Variants in FAM184A observed in about 807,000 individuals in gnomAD.
The protein encoded by FAM184A is family with sequence similarity 184 member A.
FAM184A carries 99 observed loss-of-function variants against 143.8 expected under a neutral mutation model. That is an observed-to-expected ratio of 0.69 (90% CI 0.58 to 0.81). FAM184A has a LOEUF of 0.81. FAM184A is among the 40% of genes least tolerant of loss of function. FAM184A has a pLI of 0.00. For synonymous variants in FAM184A, 427 were observed against 446.4 expected, an observed-to-expected ratio of 0.96 and a Z score of 0.55; for missense variants, 1,217 against 1,310.5, an observed-to-expected ratio of 0.93 and a Z score of 1.10.
At chr6:119,111,833 C>G (rs917568367) in intron 1 of FAM184A, among the ~76,000 whole-genome samples, 1 of 152,168 alleles carries the variant, frequency 6.6e-6, no homozygotes, top group African/African-American at 2.4e-5. Flanking sequence ...CTATAAAATC[C>G]ATTTCCTGGC....
At chr6:118,979,295 T>C (rs1783946976) in intron 11 of FAM184A, 70 bp downstream of exon 11, 2 of 1,430,350 alleles carry the variant, frequency 1.4e-6, no homozygotes, top group Non-Finnish European at 1.9e-6. Flanking sequence ...CTTGGTGATT[T>C]TATGTTGAAT....
Position 119,006,612 on chromosome 6 carries a change from T to C in FAM184A, c.1654-4A>G. On this transcript the variant is annotated splice_polypyrimidine_tract_variant and splice_region_variant and intron_variant, in intron 6 of 17. Transcript: ENST00000338891. Reference sequence around the variant, plus strand: ...CCATATCTTGGAGGTGGCCAATCTGTAAGTAAATAGAGTACTTTTAATATA... The same window carrying C: ...CCATATCTTGGAGGTGGCCAATCTGCAAGTAAATAGAGTACTTTTAATATA... 4 of 1,607,056 alleles carry C rather than the reference T, an allele frequency of 2.5e-6. No homozygotes were observed. Among genetic ancestry groups the C allele is most frequent in the South Asian group, 1.1e-5 (1 of 89,718 alleles).
chr6:118,991,226 G>A (rs1053968790), intron 9 of FAM184A, among the ~76,000 whole-genome samples: 3 of 151,290 alleles, frequency 2.0e-5, no homozygotes, highest in South Asian at 2.1e-4. Flanking sequence ...GCAATGGCAC[G>A]ATCTCGGCGC....
rs375880791 is a variant in FAM184A, at chr6:119,111,110, A to G, written c.-202+37968T>C. Among the ~76,000 whole-genome samples, 34 of 152,366 alleles carry G rather than the reference A, an allele frequency of 2.2e-4. No individual in the cohort carries two copies. In the East Asian group the frequency reaches 5.0e-3, roughly 22 times the overall value. The stretch of plus-strand genomic sequence containing the variant: ...CAACATTATTTATAAAAGTCAAAGC[A>G]TGGAAGCAACCCAAGTGTCCCTTGA... On this transcript the variant is annotated intron_variant, in intron 1 of 16. Transcript: ENST00000352896.
In FAM184A at chr6:119,129,418, C is replaced by A. The variant is rs115940650; in HGVS notation, c.-202+19660G>T. 3.1e-3 allele frequency among the ~76,000 whole-genome samples: 469 copies of A among 152,306 alleles called. 2 individuals carry two copies. Among genetic ancestry groups the A allele is most frequent in the African/African-American group, 0.011 (449 of 41,562 alleles). The stretch of plus-strand genomic sequence containing the variant: ...GCAGATGTGGTGGGGCTTTCCTGAT[C>A]TTTTAGGGCCCAGATGCATTTCACT... On this transcript the variant is annotated intron_variant, in intron 1 of 16. Coordinates refer to the FAM184A transcript ENST00000352896.
intron 1 of FAM184A, among the ~76,000 whole-genome samples, chr6:119,035,112 G>A (rs1034501915): frequency 6.6e-6 from 1 of 151,962 alleles, no homozygotes; most frequent in African/African-American, 2.4e-5. Context: ...CTGTGAGAGT[G>A]GAAGAAAAAG....
intron 1 of FAM184A, among the ~76,000 whole-genome samples, chr6:119,054,085 GA>G (rs35713549): frequency 0.95 from 144,317 of 151,158 alleles, 69,087 homozygotes; most frequent in East Asian, 1. Context: ...ATCCTTTAGA[GA>G]AAAAAAAAAA....
rs267600782 is a variant in FAM184A at position 118,974,538 on chromosome 6, T to C, written c.2805A>G (p.Lys935=). Reference sequence around the variant, plus strand: ...GGTCTGCTGTCATGACATCCAACTCTTTTTCAAGTCTCTTGTTTAAATCTT... The same window carrying C: ...GGTCTGCTGTCATGACATCCAACTCCTTTTCAAGTCTCTTGTTTAAATCTT... ...HEQDLNKRLE[K]ELDVMTADHL... Residue 935 remains lysine (K), a synonymous_variant, in exon 14 of 18, where the codon AAA becomes AAG. Transcript: ENST00000338891. The C allele has an allele frequency of 1.2e-6, 2 of 1,608,460 alleles. No homozygotes were observed. The highest frequency in any genetic ancestry group is 1.7e-5 in the Admixed American group (1 of 59,272).
chr6:119,000,684 G>A (rs1784728265), intron 9 of FAM184A, among the ~76,000 whole-genome samples: 1 of 152,078 alleles, frequency 6.6e-6, no homozygotes, highest in Non-Finnish European at 1.5e-5. Flanking sequence ...AAAATCTCAT[G>A]TTTTTCACTC....
At chr6:118,971,930 G>T (rs1783709687) in intron 14 of FAM184A, among the ~76,000 whole-genome samples, 2 of 152,178 alleles carry the variant, frequency 1.3e-5, no homozygotes, top group Admixed American at 1.3e-4. Flanking sequence ...GCTGCACCAT[G>T]TCCCTTCAGC....
In FAM184A at chr6:119,084,770, A is replaced by G. The variant is rs546915164; in HGVS notation, c.-201-59957T>C. On this transcript the variant is annotated intron_variant, in intron 1 of 16. Coordinates refer to the FAM184A transcript ENST00000352896. The stretch of plus-strand genomic sequence containing the variant: ...TCTGCTTACACATACAGGTTTTTCC[A>G]TACACCCTCTGAAATCTAGGCAGTG... 2.2e-4 allele frequency among the ~76,000 whole-genome samples: 34 copies of G among 152,342 alleles called. No individual in the cohort carries two copies. The South Asian group carries it at 5.8e-3, about 26-fold the overall frequency.
At chr6:119,022,053 C>CT (rs34128659) in intron 3 of FAM184A, among the ~76,000 whole-genome samples, 3,062 of 84,420 alleles carry the variant, frequency 0.036, 164 homozygotes, top group Admixed American at 0.049. Flanking sequence ...TTCGTTCTTT[C>CT]TTTTTTTTTT....
chr6:119,016,777 A>G lies in FAM184A; in HGVS notation c.1500T>C (p.Asn500=). The change falls in exon 5 of 18, where the codon AAT becomes AAC. Residue 500 remains asparagine, a synonymous_variant. Transcript: ENST00000338891. The part of the protein sequence containing the change: ...HHMAIEAVHS[N]AIRDKKKLQM... Reference sequence around the variant, plus strand: ...GCAGTTTTTTCTTATCCCTAATTGCATTACTGTGGACAGCTTCAATTGCCA... The same window carrying G: ...GCAGTTTTTTCTTATCCCTAATTGCGTTACTGTGGACAGCTTCAATTGCCA... The G allele has an allele frequency of 1.2e-6, 2 of 1,614,148 alleles. No individual in the cohort carries two copies. The highest frequency in any genetic ancestry group is 1.7e-6 in the Non-Finnish European group (2 of 1,180,006).
At chr6:118,985,885 A>G (rs1784176680) in intron 9 of FAM184A, among the ~76,000 whole-genome samples, 1 of 152,252 alleles carries the variant, frequency 6.6e-6, no homozygotes, top group African/African-American at 2.4e-5. Flanking sequence ...TATTATGCCA[A>G]TGACTTAACG....
At chr6:119,026,577 G>C (rs2114696294) in intron 1 of FAM184A, among the ~76,000 whole-genome samples, 1 of 152,254 alleles carries the variant, frequency 6.6e-6, no homozygotes, top group South Asian at 2.1e-4. Flanking sequence ...TGAAAGGGAG[G>C]GGTCAGACAT....
At chr6:119,022,707 T>C (rs1032221552) in intron 3 of FAM184A, among the ~76,000 whole-genome samples, 2 of 152,022 alleles carry the variant, frequency 1.3e-5, no homozygotes, top group Non-Finnish European at 2.9e-5. Context: ...AAACTCCATC[T>C]CTACTAAAAA....
At chr6:119,015,895 ACT>A (rs1785233014) in intron 5 of FAM184A, among the ~76,000 whole-genome samples, 2 of 152,066 alleles carry the variant, frequency 1.3e-5, no homozygotes, top group South Asian at 4.1e-4. Context: ...ACCAATCGAC[ACT>A]CTGTATCTAG....
At chr6:119,069,296 AAC>A (rs4027508) in intron 1 of FAM184A, among the ~76,000 whole-genome samples, 1 of 151,230 alleles carries the variant, frequency 6.6e-6, no homozygotes, top group African/African-American at 2.4e-5. Flanking sequence ...TAGACCATTA[AAC>A]ACACACACAC....
At chr6:119,110,573 T>C (rs146963059) in intron 1 of FAM184A, among the ~76,000 whole-genome samples, 1 of 152,282 alleles carries the variant, frequency 6.6e-6, no homozygotes, top group East Asian at 1.9e-4. Flanking sequence ...TAGCAGGGTC[T>C]ATCCCATGGA....
Sources: allele counts gnomAD v4.1 joint callset (sites outside exome capture counted in the v4.1 genomes callset), GRCh38; gene constraint gnomAD v4.1.1; transcripts MANE v1.5; gene names NCBI Gene and HGNC (gene_info 2026-07-23, HGNC 2026-07-21).